The following PACRG variants were observed in gnomAD, a reference collection of about 807,000 sequenced individuals.
The protein encoded by PACRG is parkin coregulated gene protein.
Under a neutral mutation model 29.7 loss-of-function variants are expected in PACRG, and 29 were observed. The observed-to-expected ratio is 0.98, with a 90% CI of 0.73 to 1.33. PACRG has a LOEUF of 1.33. PACRG is among the 40% of genes most tolerant of loss of function. The pLI is 0.00. For missense variants in PACRG, 279 were observed against 316.2 expected, an observed-to-expected ratio of 0.88 and a Z score of 0.89; for synonymous variants, 116 against 118.7, an observed-to-expected ratio of 0.98 and a Z score of 0.15.
intron 4 of PACRG, among the ~76,000 whole-genome samples, chr6:163,239,704 A>G (rs995798277): frequency 7.5e-6 from 1 of 133,484 alleles, no homozygotes; most frequent in Admixed American, 7.9e-5. Flanking sequence ...ACTCCCACAT[A>G]CACACACACG....
intron 2 of PACRG, among the ~76,000 whole-genome samples, chr6:162,912,076 A>G (rs1468348222): frequency 1.3e-5 from 2 of 152,240 alleles, no homozygotes; most frequent in Admixed American, 1.3e-4. Context: ...ACTTTCTCAT[A>G]GCAGAGAGCA....
intron 4 of PACRG, among the ~76,000 whole-genome samples, chr6:163,306,304 T>C (rs1261320943): frequency 1.3e-5 from 2 of 152,196 alleles, no homozygotes; most frequent in African/African-American, 4.8e-5. Context: ...CCGAATCATG[T>C]TGGCCAATAA....
chr6:162,953,016 T>C (rs927931432), intron 2 of PACRG, among the ~76,000 whole-genome samples: 1 of 152,210 alleles, frequency 6.6e-6, no homozygotes, highest in Admixed American at 6.5e-5. Context: ...GTGTACATTC[T>C]TTGGCGTACA....
At chr6:162,790,916 T>G (rs1336967807) in intron 1 of PACRG, among the ~76,000 whole-genome samples, 1 of 152,228 alleles carries the variant, frequency 6.6e-6, no homozygotes, top group Non-Finnish European at 1.5e-5. Flanking sequence ...GGGACAAGAT[T>G]TATTGCTTAG....
At chr6:163,138,378 C>A (rs1325950878) in intron 4 of PACRG, among the ~76,000 whole-genome samples, 1 of 152,132 alleles carries the variant, frequency 6.6e-6, no homozygotes, top group African/African-American at 2.4e-5. Flanking sequence ...AGTGTGATAA[C>A]CCATCTTCTA....
intron 4 of PACRG, among the ~76,000 whole-genome samples, chr6:163,217,780 T>G (rs901519465): frequency 1.3e-5 from 2 of 152,030 alleles, no homozygotes; most frequent in African/African-American, 4.8e-5. Flanking sequence ...GTGTGCACCT[T>G]GTGAGAATCT....
chr6:162,890,442 C>T (rs954576625), intron 2 of PACRG, among the ~76,000 whole-genome samples: 1 of 152,258 alleles, frequency 6.6e-6, no homozygotes, highest in Non-Finnish European at 1.5e-5. Flanking sequence ...AAAGTTTGTT[C>T]TAGTGTTTTC....
At chr6:163,194,011 G>C (rs1486886523) in intron 4 of PACRG, among the ~76,000 whole-genome samples, 2 of 151,464 alleles carry the variant, frequency 1.3e-5, no homozygotes, top group African/African-American at 4.9e-5. Context: ...TCCTGCCTCA[G>C]CCTCCCGAGT....
At chr6:163,143,066 G>A (rs1442882466) in intron 4 of PACRG, among the ~76,000 whole-genome samples, 4 of 152,086 alleles carry the variant, frequency 2.6e-5, no homozygotes, top group African/African-American at 9.7e-5. Context: ...TTAGTTAAAA[G>A]GAATATGTTA....
intron 2 of PACRG, among the ~76,000 whole-genome samples, chr6:163,026,164 A>G (rs1343798820): frequency 6.6e-6 from 1 of 152,192 alleles, no homozygotes; most frequent in Non-Finnish European, 1.5e-5. Context: ...TTTATAAGAA[A>G]TCAATTTGAT....
intron 4 of PACRG, among the ~76,000 whole-genome samples, chr6:163,115,850 T>C (rs1259563680): frequency 3.3e-5 from 5 of 152,198 alleles, no homozygotes; most frequent in Non-Finnish European, 1.5e-5. Context: ...CACCTGCCTC[T>C]GAAGTGTAGT....
At chr6:163,128,974 G>A (rs1472914157) in intron 4 of PACRG, among the ~76,000 whole-genome samples, 1 of 152,112 alleles carries the variant, frequency 6.6e-6, no homozygotes, top group East Asian at 1.9e-4. Context: ...TGTGTTAAAT[G>A]TTAAGTATAA....
chr6:163,227,452 C>A (rs912341021), intron 4 of PACRG, among the ~76,000 whole-genome samples: 1 of 152,184 alleles, frequency 6.6e-6, no homozygotes. Context: ...TGAGCGCGAT[C>A]AGATATTCAA....
intron 2 of PACRG, among the ~76,000 whole-genome samples, chr6:163,060,306 T>C (rs1405860674): frequency 6.6e-6 from 1 of 152,126 alleles, no homozygotes; most frequent in African/African-American, 2.4e-5. Context: ...AAAAATATAG[T>C]ATAGATGACA....
chr6:163,029,355 A>G (rs1396251552), intron 2 of PACRG, among the ~76,000 whole-genome samples: 1 of 152,214 alleles, frequency 6.6e-6, no homozygotes, highest in Admixed American at 6.5e-5. Flanking sequence ...AAGTTGTTAC[A>G]GCAGCCATAG....
chr6:162,976,354 A>G (rs1801956267), intron 2 of PACRG, among the ~76,000 whole-genome samples: 1 of 152,206 alleles, frequency 6.6e-6, no homozygotes. Context: ...AGCCATTATG[A>G]GGGCCGAACG....
chr6:163,212,578 T>A (rs187219802), intron 4 of PACRG, among the ~76,000 whole-genome samples: 50 of 152,240 alleles, frequency 3.3e-4, no homozygotes, highest in Admixed American at 8.5e-4. Flanking sequence ...CAGGGACCCT[T>A]TGACCTTCAA....
At chr6:162,740,747 G>T (rs1023255786) in intron 1 of PACRG, among the ~76,000 whole-genome samples, 1 of 151,296 alleles carries the variant, frequency 6.6e-6, no homozygotes, top group African/African-American at 2.4e-5. Flanking sequence ...CTACAGGCCC[G>T]CGCCACCACG....
At chr6:163,292,048 T>G (rs1440375110) in intron 4 of PACRG, among the ~76,000 whole-genome samples, 1 of 151,650 alleles carries the variant, frequency 6.6e-6, no homozygotes, top group African/African-American at 2.4e-5. Flanking sequence ...AACGAAGGTT[T>G]AAGTAGGCAG....
Sources: gnomAD v4.1 joint callset for allele counts (sites outside exome capture counted in the v4.1 genomes callset) on GRCh38, gnomAD v4.1.1 for gene constraint, MANE v1.5 for transcripts, NCBI Gene and HGNC (gene_info 2026-07-23, HGNC 2026-07-21) for gene names.